MED17: variants seen among roughly 807,000 people sequenced by gnomAD.
The protein encoded by MED17 is mediator complex subunit 17, also known as mediator of RNA polymerase II transcription subunit 17.
MED17 carries 49 observed loss-of-function variants against 80.8 expected under a neutral mutation model. The ratio of observed to expected loss-of-function variants is 0.61; its 90% CI spans 0.48 to 0.77. The LOEUF (loss-of-function observed/expected upper bound fraction) is 0.77. MED17 is among the 30% of genes least tolerant of loss of function. The probability of loss-of-function intolerance (pLI) is 0.00; values close to 1 mark genes in which losing one functional copy is unlikely to be tolerated. For missense variants in MED17, 718 were observed against 787.0 expected, an observed-to-expected ratio of 0.91 and a Z score of 1.05; for synonymous variants, 281 against 280.4, an observed-to-expected ratio of 1.00 and a Z score of -0.02.
chr11:93,787,101 A>G (rs1016814535), intron 1 of MED17, among the ~76,000 whole-genome samples: 1 of 152,242 alleles, frequency 6.6e-6, no homozygotes, highest in African/African-American at 2.4e-5. Context: ...GTAAGTGCAT[A>G]GAAAAACCTT....
intron 1 of MED17, among the ~76,000 whole-genome samples, chr11:93,785,758 A>G (rs1055919821): frequency 1.3e-5 from 2 of 152,186 alleles, no homozygotes; most frequent in Non-Finnish European, 2.9e-5. Flanking sequence ...TGTAGTTCCA[A>G]CATTTTTGGA....
At chr11:93,796,640 T>C (rs1387473835) in intron 7 of MED17, 100 bp downstream of exon 7, 46 of 1,316,622 alleles carry the variant, frequency 3.5e-5, no homozygotes, top group Non-Finnish European at 4.9e-5. Context: ...ATTATTCACA[T>C]AGCAACAACA....
Position 93,784,582 on chromosome 11 carries a change from C to A in MED17, c.69C>A (p.Gly23=), listed in dbSNP as rs2135707086. 6.2e-7 allele frequency: 1 copy of A among 1,611,132 alleles called. No individual in the cohort carries two copies. The change falls in exon 1 of 12, where the codon GGC becomes GGA. Residue 23 remains glycine (G), a synonymous_variant. Transcript: ENST00000251871. ...SACEKQVHEV[G]LDGTETYLPP... is the part of the protein sequence containing the mutation. Reference sequence around the variant, plus strand: ...GCGAGAAGCAGGTCCATGAGGTGGGCCTGGATGGCACCGAGACGTACCTGC... The same window carrying A: ...GCGAGAAGCAGGTCCATGAGGTGGGACTGGATGGCACCGAGACGTACCTGC...
At chr11:93,791,712 C>A (rs376229964) in intron 3 of MED17, among the ~76,000 whole-genome samples, 151 of 151,886 alleles carry the variant, frequency 9.9e-4, no homozygotes, top group Non-Finnish European at 1.3e-3. Flanking sequence ...CCAAAAAAAA[C>A]CAAACGAAAA....
intron 6 of MED17, 54 bp downstream of exon 6, chr11:93,795,114 T>C: frequency 1.3e-6 from 2 of 1,586,718 alleles, no homozygotes; most frequent in South Asian, 2.2e-5. Flanking sequence ...TTTGGGGGAC[T>C]AGGACAGAGA....
intron 1 of MED17, chr11:93,784,977 T>G: frequency 1.5e-6 from 1 of 670,656 alleles, no homozygotes; most frequent in Non-Finnish European, 2.5e-6. Flanking sequence ...TCTCCTTGAA[T>G]GGCAGCGTTT....
intron 1 of MED17, among the ~76,000 whole-genome samples, chr11:93,787,692 T>C (rs900497689): frequency 6.6e-6 from 1 of 152,234 alleles, no homozygotes; most frequent in Non-Finnish European, 1.5e-5. Flanking sequence ...TAAATTCAAG[T>C]TCTAAACACT....
Position 93,807,720 on chromosome 11 carries a change from A to G in MED17, c.1584+85A>G. The G allele has an allele frequency of 1.1e-6, 1 of 893,120 alleles. No individual in the cohort carries two copies. The highest frequency in any genetic ancestry group is 2.4e-5 in the East Asian group (1 of 41,536). 55.3% of individuals were successfully genotyped at this position (893,120 alleles called of 1,614,324 possible). On this transcript the variant is annotated intron_variant, in intron 10 of 11. Coordinates refer to ENST00000251871, the MANE Select transcript of MED17 (RefSeq NM_004268.5). ...TTGGTTAAAAAGTAGTTAAAATGTA[A>G]TAAATTGTGTAAGAAGAAAAAAAAT...
Position 93,796,449 on chromosome 11 carries a change from A to T in MED17, c.1052A>T (p.Asp351Val), listed in dbSNP as rs984153355. 2.5e-6 allele frequency: 4 copies of T among 1,613,544 alleles called. No individual in the cohort carries two copies. The South Asian group carries it at 4.4e-5, about 18-fold the overall frequency. The change falls in exon 7 of 12, where the codon GAT (aspartate) becomes GTT (valine). Residue 351 changes from aspartate (D) to valine (V), a missense_variant. Asp to Val is a radical substitution (Grantham distance 152, BLOSUM62 -3). Coordinates refer to ENST00000251871, the MANE Select transcript of MED17 (RefSeq NM_004268.5). ...ATTTCTTTGTGCCATTCCTCAAATG[A>T]TAAGAAATCCCAAAAATTTGCTACT... Reference protein sequence around the residue: ...LSISLCHSSNDKKSQKFATEK... With the variant: ...LSISLCHSSNVKKSQKFATEK...
Position 93,790,595 on chromosome 11 carries a change from A to G in MED17, c.439A>G (p.Ile147Val), listed in dbSNP as rs1449227820. ...ACAGAATCCTCAGACGTTGCAATTG[A>G]TATCTAAAAAGAAGTCACTTGCTGG... is the stretch of plus-strand genomic sequence containing the variant. ...PKQNPQTLQL[I>V]SKKKSLAGAA... Residue 147 changes from isoleucine (I) to valine (V), a missense_variant, in exon 3 of 12, where the codon ATA becomes GTA. Transcript: ENST00000251871. 3.1e-6 allele frequency: 5 copies of G among 1,613,990 alleles called. No individual in the cohort carries two copies. The highest frequency in any genetic ancestry group is 1.7e-5 in the Admixed American group (1 of 59,990).
In MED17 at chr11:93,807,759, A is replaced by C. The variant is rs538934674; in HGVS notation, c.1584+124A>C. 28 of 752,680 alleles carry C rather than the reference A, an allele frequency of 3.7e-5. No individual in the cohort carries two copies. In the African/African-American group the frequency reaches 4.5e-4, roughly 12 times the overall value. 46.6% of individuals were successfully genotyped at this position (752,680 alleles called of 1,614,324 possible). A position where few individuals can be genotyped will look rare whatever the true frequency, so the allele number is the denominator to read the frequency against. Reference sequence around the variant, plus strand: ...AAGAAAAAAAATTTTTTTCCAGTAGAAATTAAATTCTGTTTAATTTCTAAT... The same window carrying C: ...AAGAAAAAAAATTTTTTTCCAGTAGCAATTAAATTCTGTTTAATTTCTAAT... On this transcript the variant is annotated intron_variant, in intron 10 of 11. Coordinates refer to ENST00000251871, the MANE Select transcript of MED17 (RefSeq NM_004268.5).
chr11:93,803,712 T>C (rs1240535960), intron 9 of MED17, among the ~76,000 whole-genome samples: 1 of 151,896 alleles, frequency 6.6e-6, no homozygotes, highest in Non-Finnish European at 1.5e-5. Context: ...CTGAGTGCAA[T>C]GGAAAAGAAA....
intron 9 of MED17, among the ~76,000 whole-genome samples, chr11:93,805,512 CAG>C (rs1158267349): frequency 2.0e-5 from 3 of 152,144 alleles, no homozygotes; most frequent in Non-Finnish European, 2.9e-5. Context: ...ACCCAGGAGA[CAG>C]AGGTTACAGT....
chr11:93,799,024 C>G (rs914225858), intron 8 of MED17, among the ~76,000 whole-genome samples: 1 of 152,016 alleles, frequency 6.6e-6, no homozygotes, highest in Admixed American at 6.5e-5. Context: ...TCCTGGTGTA[C>G]AAAAAGCTTA....
At chr11:93,810,055 C>T (rs1237537510) in intron 11 of MED17, 179 bp downstream of exon 11, 1 of 649,192 alleles carries the variant, frequency 1.5e-6, no homozygotes, top group Non-Finnish European at 2.7e-6. Context: ...TATTATTTCT[C>T]TTTCTAGTAA....
rs145681040 is a variant in MED17 at position 93,784,489 on chromosome 11, C to T, written c.-25C>T. On this transcript the variant is annotated 5_prime_UTR_variant, in exon 1 of 12. Transcript: ENST00000251871. ...CGTTTTTTGGCTCGTGGGGGGTCCTCCCACCGCTGGCCGACGCAGCCAGCA... is the reference window on the plus strand; with the variant it reads ...CGTTTTTTGGCTCGTGGGGGGTCCTTCCACCGCTGGCCGACGCAGCCAGCA... 9.5e-4 allele frequency: 1,503 copies of T among 1,586,576 alleles called. 16 individuals carry two copies. In the African/African-American group the frequency reaches 0.018, roughly 19 times the overall value.
chr11:93,784,806 C>G (rs1290855167), intron 1 of MED17, 43 bp downstream of exon 1: 2 of 1,532,180 alleles, frequency 1.3e-6, no homozygotes, highest in South Asian at 2.4e-5. Context: ...GTCTGGGTCC[C>G]AGCACCCGCG....
In MED17 at chr11:93,809,858, G is replaced by A; in HGVS notation, c.1726G>A (p.Gly576Ser). ...ASAITVASPS[G>S]DYAISVRNGP... is the part of the protein sequence containing the mutation. ...TGCCATCACGGTGGCCTCCCCAAGT[G>A]GTGACTATGCTATTTCAGGTACTTT... The change falls in exon 11 of 12, where the codon GGT (glycine) becomes AGT (serine). Residue 576 changes from glycine (G) to serine (S), a missense_variant. By Grantham distance (56) the Gly-to-Ser change is moderately conservative. Coordinates refer to ENST00000251871, the MANE Select transcript of MED17 (RefSeq NM_004268.5). 1 of 1,614,102 alleles carries A rather than the reference G, an allele frequency of 6.2e-7. No homozygotes were observed. The highest frequency in any genetic ancestry group is 8.5e-7 in the Non-Finnish European group (1 of 1,180,022).
chr11:93,810,998 A>G (rs1332829609), intron 11 of MED17: 1 of 152,318 alleles, frequency 6.6e-6, no homozygotes, highest in Admixed American at 6.5e-5. Flanking sequence ...CTCCTAGGCT[A>G]CAAACCTGTA....
Sources: gnomAD v4.1 joint callset for allele counts (sites outside exome capture counted in the v4.1 genomes callset) on GRCh38, gnomAD v4.1.1 for gene constraint, MANE v1.5 for transcripts, NCBI Gene and HGNC (gene_info 2026-07-23, HGNC 2026-07-21) for gene names.